Variants in FAM20B observed in about 807,000 individuals in gnomAD.
The protein encoded by FAM20B is glycosaminoglycan xylosylkinase.
A neutral mutation model predicts 43.8 loss-of-function variants in FAM20B; 23 were observed. The observed-to-expected ratio is 0.53, with a 90% CI of 0.38 to 0.74. FAM20B has a LOEUF of 0.74. Among genes scored for constraint, FAM20B ranks in the 30% least tolerant of loss-of-function variants. The pLI, the probability that FAM20B is intolerant of heterozygous loss-of-function variation, is 0.00. For missense variants in FAM20B, 440 were observed against 510.5 expected (o/e 0.86, Z 1.33); for synonymous variants, 178 against 192.4 (o/e 0.93, Z 0.62).
At chr1:179,054,010 A>G (rs1223904418) in intron 3 of FAM20B, among the ~76,000 whole-genome samples, 1 of 151,760 alleles carries the variant, frequency 6.6e-6, no homozygotes, top group Non-Finnish European at 1.5e-5. Flanking sequence ...ATTTTTTTAA[A>G]ATAAATCATT....
At chr1:179,069,367 TTTTTG>T (rs541939924) in intron 7 of FAM20B, among the ~76,000 whole-genome samples, 11 of 152,094 alleles carry the variant, frequency 7.2e-5, no homozygotes, top group East Asian at 1.9e-4. Context: ...TTTGTTTTTG[TTTTTG>T]TTTTGTTTTG....
At chr1:179,067,368 G>T (rs1044680364) in intron 7 of FAM20B, among the ~76,000 whole-genome samples, 1 of 152,194 alleles carries the variant, frequency 6.6e-6, no homozygotes, top group East Asian at 1.9e-4. Context: ...AATTTGGGAG[G>T]CCAAGGTGGG....
intron 3 of FAM20B, among the ~76,000 whole-genome samples, chr1:179,053,807 G>A (rs974304084): frequency 2.6e-5 from 4 of 152,158 alleles, no homozygotes. Context: ...ACGTAAGTGT[G>A]AGTGTGTGTT....
At chr1:179,025,609 C>A (rs1346272892), upstream of FAM20B, among the ~76,000 whole-genome samples, 4 of 152,066 alleles carry the variant, frequency 2.6e-5, no homozygotes, top group South Asian at 8.3e-4. Flanking sequence ...GGATGGAGGA[C>A]AAATACAGAA....
At chr1:179,068,929 C>T (rs750264156) in intron 7 of FAM20B, among the ~76,000 whole-genome samples, 10 of 152,172 alleles carry the variant, frequency 6.6e-5, no homozygotes, top group Non-Finnish European at 1.5e-4. Flanking sequence ...AAGCCAGAAG[C>T]AACTCTCCAG....
chr1:179,046,899 G>A (rs1430348053), intron 2 of FAM20B, among the ~76,000 whole-genome samples: 2 of 152,064 alleles, frequency 1.3e-5, no homozygotes, highest in Non-Finnish European at 2.9e-5. Context: ...GGAAGGCTGA[G>A]GCAGGAGAAT....
intron 4 of FAM20B, among the ~76,000 whole-genome samples, chr1:179,062,222 T>C (rs1160317852): frequency 1.3e-5 from 2 of 152,196 alleles, no homozygotes; most frequent in Non-Finnish European, 2.9e-5. Context: ...CTGTGGGCGC[T>C]AGGTGTGCTC....
chr1:179,070,970 T>A (rs1036261807), intron 7 of FAM20B, among the ~76,000 whole-genome samples: 1 of 151,846 alleles, frequency 6.6e-6, no homozygotes, highest in African/African-American at 2.4e-5. Flanking sequence ...ATGGTAGCAG[T>A]TGGTGAAATA....
In FAM20B at chr1:179,073,209, C is replaced by G. The variant is rs1652001580; in HGVS notation, c.*1065C>G. The G allele has an allele frequency of 6.6e-6, 1 of 152,210 alleles. No homozygotes were observed. The highest frequency in any genetic ancestry group is 1.5e-5 in the Non-Finnish European group (1 of 68,034). 9.4% of individuals were successfully genotyped at this position (152,210 alleles called of 1,614,324 possible). On this transcript the variant is annotated 3_prime_UTR_variant, in exon 8 of 8. Coordinates refer to ENST00000263733, the MANE Select transcript of FAM20B (RefSeq NM_014864.4). ...TTCTCATAAGAAAGGGACACTCCTACAGGTGAGAGTGTATACCTTACTCTC... is the reference window on the plus strand; with the variant it reads ...TTCTCATAAGAAAGGGACACTCCTAGAGGTGAGAGTGTATACCTTACTCTC...
chr1:179,060,683 CA>C (rs1185893264), intron 4 of FAM20B, among the ~76,000 whole-genome samples: 3 of 152,192 alleles, frequency 2.0e-5, no homozygotes, highest in African/African-American at 7.2e-5. Flanking sequence ...TCCCCAGTAC[CA>C]AAATGGTTGG....
intron 6 of FAM20B, 81 bp downstream of exon 6, chr1:179,064,577 T>C (rs1557878714): frequency 2.6e-6 from 3 of 1,137,992 alleles, no homozygotes; most frequent in Non-Finnish European, 1.3e-6. Context: ...TCCTGGAGAA[T>C]ATCCAGAATG....
chr1:179,070,504 G>A (rs558407578), intron 7 of FAM20B, among the ~76,000 whole-genome samples: 4 of 149,600 alleles, frequency 2.7e-5, no homozygotes, highest in Non-Finnish European at 4.4e-5. Context: ...GCAACAAGGG[G>A]CTGAACTCGC....
chr1:179,056,263 C>A (rs562496991), intron 4 of FAM20B, among the ~76,000 whole-genome samples: 4 of 152,300 alleles, frequency 2.6e-5, no homozygotes, highest in African/African-American at 9.6e-5. Flanking sequence ...TTTCACTGAT[C>A]TAAAAATCCT....
At chr1:179,053,481 A>G (rs954716345) in intron 3 of FAM20B, among the ~76,000 whole-genome samples, 1 of 152,064 alleles carries the variant, frequency 6.6e-6, no homozygotes, top group Non-Finnish European at 1.5e-5. Context: ...AACACACACA[A>G]AAAACCCTTC....
intron 4 of FAM20B, among the ~76,000 whole-genome samples, chr1:179,057,970 T>G (rs1217006112): frequency 6.6e-6 from 1 of 152,216 alleles, no homozygotes; most frequent in Non-Finnish European, 1.5e-5. Context: ...AGGTTTGTAT[T>G]TAACATTTTT....
chr1:179,019,713 C>T, the FAM20B span, among the ~76,000 whole-genome samples: 1 of 152,158 alleles, frequency 6.6e-6, no homozygotes. Context: ...TTGCCCACCT[C>T]AGCCTCCCAA....
chr1:179,040,626 C>A (rs1232402751), intron 1 of FAM20B, among the ~76,000 whole-genome samples: 1 of 131,120 alleles, frequency 7.6e-6, no homozygotes, highest in South Asian at 2.4e-4. Flanking sequence ...GCAGAGGCGC[C>A]CCTCACCTCC....
At chr1:179,032,682 AAAG>A (rs944721373) in intron 1 of FAM20B, among the ~76,000 whole-genome samples, 2 of 152,174 alleles carry the variant, frequency 1.3e-5, no homozygotes, top group East Asian at 1.9e-4. Flanking sequence ...TTAGCACAGA[AAAG>A]AAGAAAAAAT....
intron 2 of FAM20B, among the ~76,000 whole-genome samples, chr1:179,046,713 G>C (rs1038594411): frequency 6.7e-6 from 1 of 148,630 alleles, no homozygotes; most frequent in Non-Finnish European, 1.5e-5. Flanking sequence ...TTAAATAAGA[G>C]GAGATCTGGC....
Sources: allele counts gnomAD v4.1 joint callset (sites outside exome capture counted in the v4.1 genomes callset), GRCh38; gene constraint gnomAD v4.1.1; transcripts MANE v1.5; gene names NCBI Gene and HGNC (gene_info 2026-07-23, HGNC 2026-07-21).